CTSK: variants seen among roughly 807,000 people sequenced by gnomAD.
CTSK encodes the protein cathepsin K.
A neutral mutation model predicts 40.5 loss-of-function variants in CTSK; 26 were observed. The observed-to-expected ratio is 0.64, with a 90% CI of 0.47 to 0.89. CTSK has a LOEUF of 0.89. Among genes scored for constraint, CTSK ranks in the 40% least tolerant of loss-of-function variants. CTSK has a pLI of 0.00. For missense variants in CTSK, 292 were observed against 400.1 expected, an observed-to-expected ratio of 0.73 and a Z score of 2.30; for synonymous variants, 132 against 143.2, an observed-to-expected ratio of 0.92 and a Z score of 0.56.
At chr1:150,803,899 T>C in intron 5 of CTSK, 122 bp downstream of exon 5, 1 of 916,914 alleles carries the variant, frequency 1.1e-6, no homozygotes, top group Non-Finnish European at 1.8e-6. Flanking sequence ...GGGAAATTAT[T>C]CCATCAAGAA....
rs749914293 is a variant in CTSK at position 150,804,010 on chromosome 1, A to G, written c.618+11T>C. On this transcript the variant is annotated intron_variant, in intron 5 of 7. Coordinates refer to ENST00000271651, the MANE Select transcript of CTSK (RefSeq NM_000396.4). ...CCAACAGAGCTGTATAATTGTGTGG[A>G]GCAATCTCACCTGTCCCACATATGG... 3 of 1,607,720 alleles carry G rather than the reference A, an allele frequency of 1.9e-6. No individual in the cohort carries two copies. The highest frequency in any genetic ancestry group is 2.6e-6 in the Non-Finnish European group (3 of 1,174,400).
At chr1:150,799,484 G>C in intron 6 of CTSK, 60 bp downstream of exon 6, 2 of 1,598,728 alleles carry the variant, frequency 1.3e-6, no homozygotes, top group African/African-American at 1.3e-5. Flanking sequence ...AAGGTCCTTC[G>C]AGAAACCATC....
In CTSK at chr1:150,799,657, T is replaced by TACCCTCTGCATTTAGCTGCCTTGC. The variant is rs1269008808; in HGVS notation, c.647_670dup (p.Gly223_Tyr224insCysLysAlaAlaLysCysArgGly). 6 of 1,614,076 alleles carry TACCCTCTGCATTTAGCTGCCTTGC rather than the reference T, an allele frequency of 3.7e-6. No individual in the cohort carries two copies. Among genetic ancestry groups the TACCCTCTGCATTTAGCTGCCTTGC allele is most frequent in the Non-Finnish European group, 5.1e-6 (6 of 1,180,024 alleles). On this transcript the variant is annotated inframe_insertion, in exon 6 of 8. Transcript: ENST00000271651. ...CTCATTCCCCTCGGGGATCTCTCTG[T>TACCCTCTGCATTTAGCTGCCTTGC]ACCCTCTGCATTTAGCTGCCTTGCC...
chr1:150,799,395 C>T, intron 6 of CTSK, 122 bp from the exon 7 acceptor site: 1 of 1,188,448 alleles, frequency 8.4e-7, no homozygotes, highest in Non-Finnish European at 1.3e-6. Flanking sequence ...CACAGAGATG[C>T]TGCTCCATAC....
rs1037452561 is a variant in CTSK at position 150,806,071 on chromosome 1, C to T, written c.243+31G>A. The stretch of plus-strand genomic sequence containing the variant: ...CAGCAGGGAACTAAAGCAAATGGTG[C>T]AGGTGGGACAGGAGCTGAAGCTATA... On this transcript the variant is annotated intron_variant, in intron 3 of 7. Transcript: ENST00000271651. 3 of 1,614,024 alleles carry T rather than the reference C, an allele frequency of 1.9e-6. No individual in the cohort carries two copies. The African/African-American group carries it at 4.0e-5, about 22-fold the overall frequency.
rs1369616364 is a variant in CTSK at position 150,799,195 on chromosome 1, C to CCCA, written c.862_863insTGG (p.Lys287_Gly288insVal). 6.2e-7 allele frequency: 1 copy of CCCA among 1,611,916 alleles called. No individual in the cohort carries two copies. Among genetic ancestry groups the CCCA allele is most frequent in the Non-Finnish European group, 8.5e-7 (1 of 1,177,928 alleles). On this transcript the variant is annotated inframe_insertion, in exon 7 of 8. Transcript: ENST00000271651. ...GTTTTTAATTATCCAGTGCTTGTTT[C>CCCA]CCTTCTGGATTCCATATCCCACTGC...
chr1:150,807,642 TTACTC>T (rs1408730496), intron 1 of CTSK, among the ~76,000 whole-genome samples: 3 of 152,246 alleles, frequency 2.0e-5, no homozygotes, highest in Non-Finnish European at 4.4e-5. Flanking sequence ...TTTCATAAGT[TTACTC>T]TAGTTAGCTT....
intron 3 of CTSK, 28 bp downstream of exon 3, chr1:150,806,074 G>C (rs1344364767): frequency 6.2e-7 from 1 of 1,614,188 alleles, no homozygotes; most frequent in Non-Finnish European, 8.5e-7. Context: ...AATGGTGCAG[G>C]TGGGACAGGA....
rs1456718820 is a variant in CTSK, at chr1:150,806,717, T to C, written c.89A>G (p.Lys30Arg). The C allele has an allele frequency of 3.7e-6, 6 of 1,614,014 alleles. No individual in the cohort carries two copies. Among genetic ancestry groups the C allele is most frequent in the African/African-American group, 2.7e-5 (2 of 74,902 alleles). The change falls in exon 2 of 8, where the codon AAG becomes AGG. Residue 30 changes from lysine (K) to arginine (R), a missense_variant. Transcript: ENST00000271651. ...GTTATATTGCTTCCTGTGGGTCTTCTTCCATAGCTCCCAGTGGGTGTCCAG... is the reference window on the plus strand; with the variant it reads ...GTTATATTGCTTCCTGTGGGTCTTCCTCCATAGCTCCCAGTGGGTGTCCAG... ...EILDTHWELW[K>R]KTHRKQYNNK... is the part of the protein sequence containing the mutation.
intron 1 of CTSK, among the ~76,000 whole-genome samples, 199 bp from the exon 2 acceptor site, chr1:150,807,005 T>TCTCTCTC (rs146635750): frequency 7.2e-6 from 1 of 138,966 alleles, no homozygotes; most frequent in African/African-American, 2.7e-5. Flanking sequence ...ATTTCTCTCT[T>TCTCTCTC]TCTCTCTCTC....
intron 1 of CTSK, 61 bp downstream of exon 1, chr1:150,808,138 AAGTCACTACATCCCT>A (rs1654161648): frequency 6.6e-6 from 1 of 152,234 alleles, no homozygotes; most frequent in South Asian, 2.1e-4. Context: ...TGTGATCCTC[AAGTCACTACATCCCT>A]AATACTCAGA....
intron 1 of CTSK, chr1:150,807,515 C>G: frequency 2.7e-6 from 1 of 366,062 alleles, no homozygotes; most frequent in Non-Finnish European, 5.4e-6. Flanking sequence ...TTATTTTTCC[C>G]CTAACAACAA....
intron 7 of CTSK, among the ~76,000 whole-genome samples, chr1:150,798,581 T>C (rs1194587807): frequency 6.6e-6 from 1 of 152,196 alleles, no homozygotes. Flanking sequence ...AATTGAGCAC[T>C]ATTGTCTGGC....
chr1:150,801,646 C>G (rs1225817878), intron 5 of CTSK, among the ~76,000 whole-genome samples: 1 of 151,298 alleles, frequency 6.6e-6, no homozygotes, highest in Admixed American at 6.6e-5. Flanking sequence ...TCACGCCATT[C>G]TCCTGCCTCA....
intron 5 of CTSK, among the ~76,000 whole-genome samples, chr1:150,801,610 C>A (rs1653990384): frequency 6.6e-6 from 1 of 151,270 alleles, no homozygotes; most frequent in Non-Finnish European, 1.5e-5. Flanking sequence ...GCAATCTCGG[C>A]TCACTGCAAG....
At position 150,799,475 on chromosome 1, in the gene CTSK, A is replaced by G. The variant is rs1653940221; in HGVS notation, c.784+69T>C. ...AAAAACTAAGTACTGAAAATACCCAAGGTCCTTCGAGAAACCATCAAGTTT... is the reference window on the plus strand; with the variant it reads ...AAAAACTAAGTACTGAAAATACCCAGGGTCCTTCGAGAAACCATCAAGTTT... On this transcript the variant is annotated intron_variant, in intron 6 of 7. Transcript: ENST00000271651. 4 of 1,578,792 alleles carry G rather than the reference A, an allele frequency of 2.5e-6. No homozygotes were observed. The South Asian group carries it at 4.4e-5, about 17-fold the overall frequency.
chr1:150,807,076 T>TCACA lies in CTSK; in HGVS notation c.-1-271_-1-270insTGTG, dbSNP rs1176948763. 1.5e-3 allele frequency among the ~76,000 whole-genome samples: 55 copies of TCACA among 36,464 alleles called. 1 individual carries two copies. In the Middle Eastern group the frequency reaches 0.037, roughly 25 times the overall value. The allele number at this position is 36,464 out of a possible 152,430, so 23.9% of individuals were successfully genotyped here. On this transcript the variant is annotated intron_variant, in intron 1 of 7. Transcript: ENST00000271651. Reference sequence around the variant, plus strand: ...CTCTGTTTCTCTCTCTGTCTCTCTCTCTCTCACACACACACACACACACAC... The same window carrying TCACA: ...CTCTGTTTCTCTCTCTGTCTCTCTCTCACACTCTCACACACACACACACACACAC...
At chr1:150,801,664 G>T (rs961881677) in intron 5 of CTSK, among the ~76,000 whole-genome samples, 1 of 150,810 alleles carries the variant, frequency 6.6e-6, no homozygotes. Flanking sequence ...TCAGCCTCCC[G>T]AGTAGCTGGA....
chr1:150,806,525 T>A (rs1248028647), intron 2 of CTSK, among the ~76,000 whole-genome samples, 161 bp downstream of exon 2: 1 of 152,184 alleles, frequency 6.6e-6, no homozygotes, highest in African/African-American at 2.4e-5. Context: ...AGAGGATGAT[T>A]TGAAGCATAG....
Sources: allele counts gnomAD v4.1 joint callset (sites outside exome capture counted in the v4.1 genomes callset), GRCh38; gene constraint gnomAD v4.1.1; transcripts MANE v1.5; gene names NCBI Gene and HGNC (gene_info 2026-07-23, HGNC 2026-07-21).